The following DENND1B variants were observed in gnomAD, a reference collection of about 807,000 sequenced individuals.
DENND1B encodes the protein DENN domain-containing protein 1B.
In DENND1B, 59 loss-of-function variants were observed where a neutral mutation model predicts 90.1. The ratio of observed to expected loss-of-function variants is 0.65; its 90% CI spans 0.53 to 0.81. The LOEUF is 0.81. Ranked by LOEUF, DENND1B falls within the 40% of genes least tolerant of loss-of-function variation. DENND1B has a pLI of 0.00. For synonymous variants in DENND1B, 337 were observed against 324.6 expected, an observed-to-expected ratio of 1.04 and a Z score of -0.41; for missense variants, 862 against 912.6, an observed-to-expected ratio of 0.94 and a Z score of 0.71.
At chr1:197,528,776 C>T (rs1273960284) in intron 20 of DENND1B, among the ~76,000 whole-genome samples, 2 of 150,588 alleles carry the variant, frequency 1.3e-5, no homozygotes, top group East Asian at 3.9e-4. Flanking sequence ...AGGAGAATGG[C>T]GTGAACCCGG....
chr1:197,572,880 A>T (rs1049799852), intron 15 of DENND1B, among the ~76,000 whole-genome samples: 1 of 152,216 alleles, frequency 6.6e-6, no homozygotes, highest in Non-Finnish European at 1.5e-5. Context: ...CAACATCAAC[A>T]AAAAGGACAT....
chr1:197,779,234 TTATCAA>T (rs563710578), upstream of DENND1B, among the ~76,000 whole-genome samples: 570 of 152,340 alleles, frequency 3.7e-3, 1 homozygote, highest in African/African-American at 0.013. Flanking sequence ...TTTCTGCATG[TTATCAA>T]TATCATTACA....
intron 15 of DENND1B, among the ~76,000 whole-genome samples, chr1:197,557,542 A>G (rs1671813228): frequency 6.6e-6 from 1 of 151,958 alleles, no homozygotes; most frequent in Non-Finnish European, 1.5e-5. Flanking sequence ...CAGTAAAATG[A>G]CATGTGTTAT....
intron 2 of DENND1B, chr1:197,746,777 T>G: frequency 6.6e-7 from 1 of 1,521,534 alleles, no homozygotes; most frequent in Non-Finnish European, 9.1e-7. Context: ...ACTTTGGGTT[T>G]CCCATCTCTT....
chr1:197,668,328 G>C (rs967473530), intron 5 of DENND1B, among the ~76,000 whole-genome samples: 1 of 151,506 alleles, frequency 6.6e-6, no homozygotes, highest in African/African-American at 2.4e-5. Context: ...GGGAATATAT[G>C]AGTAAACAAA....
chr1:197,775,947 C>G (rs1657243502), upstream of DENND1B, among the ~76,000 whole-genome samples: 1 of 152,200 alleles, frequency 6.6e-6, no homozygotes, highest in South Asian at 2.1e-4. Flanking sequence ...GAGCTACCCC[C>G]TCCTGATTCA....
In DENND1B at chr1:197,764,906, C is replaced by T. The variant is rs2102476529; in HGVS notation, c.82+7962G>A. ...TAGTGGAGCAGGCCTATATAATGCT[C>T]ATTGTGAGAATTTTTACCAGTCACC... On this transcript the variant is annotated intron_variant, in intron 2 of 22. Transcript: ENST00000620048. Among the ~76,000 whole-genome samples, 3 of 152,104 alleles carry T rather than the reference C, an allele frequency of 2.0e-5. No individual in the cohort carries two copies. In the East Asian group the frequency reaches 5.8e-4, roughly 29 times the overall value.
At chr1:197,746,648 T>A in intron 2 of DENND1B, 1 of 675,794 alleles carries the variant, frequency 1.5e-6, no homozygotes. Context: ...TTATTTTTGT[T>A]CTAGTGCTAT....
At chr1:197,672,728 G>A (rs963330744) in intron 4 of DENND1B, among the ~76,000 whole-genome samples, 1 of 151,822 alleles carries the variant, frequency 6.6e-6, no homozygotes, top group African/African-American at 2.4e-5. Flanking sequence ...ACATTTCCAA[G>A]TATAAAATAA....
intron 2 of DENND1B, among the ~76,000 whole-genome samples, chr1:197,747,831 C>T (rs1484360172): frequency 6.6e-6 from 1 of 152,230 alleles, no homozygotes; most frequent in Non-Finnish European, 1.5e-5. Context: ...ATTCACACCC[C>T]ACTCCTGTGA....
chr1:197,683,947 C>T (rs1211793639), intron 3 of DENND1B, among the ~76,000 whole-genome samples: 2 of 152,122 alleles, frequency 1.3e-5, no homozygotes, highest in East Asian at 3.9e-4. Context: ...AGTATGTCTC[C>T]AAAGTTTTTG....
intron 3 of DENND1B, among the ~76,000 whole-genome samples, chr1:197,700,199 C>A (rs115969497): frequency 6.6e-6 from 1 of 152,078 alleles, no homozygotes. Flanking sequence ...GGAGGCATCA[C>A]GCTACCTGAC....
chr1:197,749,754 G>C lies in DENND1B; in HGVS notation c.82+23114C>G, dbSNP rs375916055. 5.3e-5 allele frequency among the ~76,000 whole-genome samples: 8 copies of C among 152,144 alleles called. No individual in the cohort carries two copies. The East Asian group carries it at 1.3e-3, about 26-fold the overall frequency. On this transcript the variant is annotated intron_variant, in intron 2 of 22. Transcript: ENST00000620048. ...TTCATTTCTTAACTTTTTAAAAAAG[G>C]AACTGATTGTCTAAACAAAAATAAT...
At chr1:197,653,167 C>G (rs538576666) in intron 6 of DENND1B, among the ~76,000 whole-genome samples, 1 of 151,960 alleles carries the variant, frequency 6.6e-6, no homozygotes, top group African/African-American at 2.4e-5. Context: ...AGTATTCATT[C>G]AAAACTACCT....
intron 15 of DENND1B, among the ~76,000 whole-genome samples, chr1:197,566,207 T>TTGTG (rs1489748495): frequency 2.0e-5 from 3 of 152,166 alleles, no homozygotes; most frequent in Admixed American, 1.3e-4. Flanking sequence ...TGGTATCTCA[T>TTGTG]TGTGGTTTTT....
chr1:197,605,605 C>T (rs1572041790), intron 13 of DENND1B: 2 of 151,106 alleles, frequency 1.3e-5, no homozygotes, highest in South Asian at 4.2e-4. Flanking sequence ...TTTCTCTATC[C>T]ATTGAATAAT....
chr1:197,750,394 C>G (rs150687161), intron 2 of DENND1B, among the ~76,000 whole-genome samples: 190 of 151,958 alleles, frequency 1.3e-3, no homozygotes, highest in African/African-American at 3.4e-3. Context: ...ATACATTAAT[C>G]TAGAAGAGAA....
At chr1:197,700,306 A>G (rs1376189396) in intron 3 of DENND1B, among the ~76,000 whole-genome samples, 1 of 152,174 alleles carries the variant, frequency 6.6e-6, no homozygotes, top group East Asian at 1.9e-4. Flanking sequence ...GACCTCAGAA[A>G]TAACACCACA....
intron 16 of DENND1B, among the ~76,000 whole-genome samples, chr1:197,547,267 CT>C (rs11339608): frequency 0.2 from 28,767 of 145,078 alleles, 2,706 homozygotes; most frequent in Non-Finnish European, 0.2. Context: ...GACCCCATCT[CT>C]TTTTTTTTTT....
Sources: gnomAD v4.1 joint callset for allele counts (sites outside exome capture counted in the v4.1 genomes callset) on GRCh38, gnomAD v4.1.1 for gene constraint, MANE v1.5 for transcripts, NCBI Gene and HGNC (gene_info 2026-07-23, HGNC 2026-07-21) for gene names.